CIMAP1A: variants seen among roughly 807,000 people sequenced by gnomAD.
The protein encoded by CIMAP1A is cancer/testis antigen 135.
the CIMAP1A span, chr11:200,077 A>G: frequency 6.2e-7 from 1 of 1,601,154 alleles, no homozygotes. Flanking sequence ...TCTACACAAG[A>G]TCCGCCGGGC....
chr11:199,390 C>T, the CIMAP1A span: 60 of 1,574,722 alleles, frequency 3.8e-5, no homozygotes, highest in Non-Finnish European at 4.7e-5. Context: ...CGCAGCCTAC[C>T]GCCAAACTGA....
At chr11:200,025 G>A in the CIMAP1A span, 1 of 1,613,962 alleles carries the variant, frequency 6.2e-7, no homozygotes, top group Non-Finnish European at 8.5e-7. Context: ...GCTGGTTGAT[G>A]TGGAATAACG....
chr11:199,589 G>C, the CIMAP1A span: 1 of 1,494,546 alleles, frequency 6.7e-7, no homozygotes, highest in Non-Finnish European at 8.9e-7. Context: ...AGAGCAGGGA[G>C]GGGGGCTGGG....
the CIMAP1A span, chr11:199,003 G>GT: frequency 8.4e-7 from 1 of 1,192,262 alleles, no homozygotes; most frequent in Non-Finnish European, 1.0e-6. Context: ...GCCTGAGATG[G>GT]GGAAGCAGCA....
chr11:197,780 G>A, the CIMAP1A span: 1 of 1,611,848 alleles, frequency 6.2e-7, no homozygotes, highest in East Asian at 2.2e-5. Flanking sequence ...CCCTGTCTCA[G>A]GCTCCTGCCC....
At chr11:200,232 A>T in the CIMAP1A span, 2 of 571,400 alleles carry the variant, frequency 3.5e-6, no homozygotes, top group Non-Finnish European at 6.1e-6. Context: ...GCTGTGCCCA[A>T]ATTATTAATA....
the CIMAP1A span, chr11:198,005 C>G: frequency 3.3e-6 from 5 of 1,536,836 alleles, no homozygotes; most frequent in Non-Finnish European, 4.4e-6. Context: ...TCTCCCTGCT[C>G]AAAAATAGCC....
At chr11:199,846 C>A in the CIMAP1A span, 3 of 1,516,254 alleles carry the variant, frequency 2.0e-6, no homozygotes, top group Non-Finnish European at 2.6e-6. Context: ...CACCTTGGCC[C>A]CAGGTTCAGG....
At chr11:198,341 G>C in the CIMAP1A span, 1 of 1,613,542 alleles carries the variant, frequency 6.2e-7, no homozygotes, top group African/African-American at 1.3e-5. Flanking sequence ...AATGGACCTG[G>C]GGATCCTGGG....
the CIMAP1A span, chr11:197,289 A>G: frequency 1.3e-6 from 2 of 1,548,422 alleles, no homozygotes; most frequent in African/African-American, 2.7e-5. Flanking sequence ...CCTCTCACTT[A>G]CGGACAGAGC....
the CIMAP1A span, chr11:199,895 C>T: frequency 1.9e-6 from 3 of 1,605,234 alleles, no homozygotes; most frequent in South Asian, 1.1e-5. Flanking sequence ...CAGAGACCTG[C>T]AGGTGGGGGC....
chr11:197,892 T>C, the CIMAP1A span: 7 of 1,487,880 alleles, frequency 4.7e-6, no homozygotes, highest in Non-Finnish European at 5.4e-6. Context: ...GTCCCATCTT[T>C]CTCTCTTGAG....
chr11:199,060 G>A, the CIMAP1A span: 2 of 1,250,792 alleles, frequency 1.6e-6, no homozygotes, highest in Non-Finnish European at 1.0e-6. Context: ...GCCAGCCCCA[G>A]GCCCTCAGGT....
At chr11:200,203 T>A in the CIMAP1A span, 1 of 609,548 alleles carries the variant, frequency 1.6e-6, no homozygotes, top group African/African-American at 1.9e-5. Context: ...TATTTTACCA[T>A]TTTTTAATCT....
the CIMAP1A span, chr11:198,587 C>A: frequency 1.2e-6 from 2 of 1,603,936 alleles, no homozygotes; most frequent in Non-Finnish European, 8.5e-7. Flanking sequence ...CTACACAAGG[C>A]AAGGGCCACC....
At chr11:197,268 C>T in the CIMAP1A span, 2 of 1,466,550 alleles carry the variant, frequency 1.4e-6, no homozygotes, top group Non-Finnish European at 1.9e-6. Context: ...GGCCTCCCAG[C>T]ACCTGGTAAC....
chr11:197,956 A>C, the CIMAP1A span: 2 of 1,522,862 alleles, frequency 1.3e-6, no homozygotes, highest in Non-Finnish European at 1.8e-6. Flanking sequence ...TCCAGCTCCG[A>C]CCTGGACCTT....
chr11:198,267 C>A, the CIMAP1A span: 1 of 1,614,044 alleles, frequency 6.2e-7, no homozygotes, highest in South Asian at 1.1e-5. Flanking sequence ...CATCTCTGCC[C>A]GGACAAAGGC....
the CIMAP1A span, chr11:200,095 C>T: frequency 6.4e-7 from 1 of 1,567,682 alleles, no homozygotes; most frequent in African/African-American, 1.4e-5. Flanking sequence ...GGCCACAGAG[C>T]TCGAGGCTGT....
Sources: gnomAD v4.1 joint callset for allele counts on GRCh38, gnomAD v4.1.1 for gene constraint, MANE v1.5 for transcripts, NCBI Gene and HGNC (gene_info 2026-07-23, HGNC 2026-07-21) for gene names.